The following JAKMIP2 variants were observed in gnomAD, a reference collection of about 807,000 sequenced individuals.
The protein encoded by JAKMIP2 is janus kinase and microtubule interacting protein 2, also known as janus kinase and microtubule-interacting protein 2.
JAKMIP2 carries 25 observed loss-of-function variants against 115.0 expected under a neutral mutation model. The observed-to-expected ratio is 0.22, with a 90% CI of 0.16 to 0.30. The LOEUF is 0.30. Ranked by LOEUF, JAKMIP2 falls within the 10% of genes least tolerant of loss-of-function variation. JAKMIP2 has a pLI of 1.00. For missense variants in JAKMIP2, 642 were observed against 957.6 expected (o/e 0.67, Z 4.35); for synonymous variants, 334 against 343.6 (o/e 0.97, Z 0.31).
intron 1 of JAKMIP2, among the ~76,000 whole-genome samples, chr5:147,675,724 T>C (rs1759906816): frequency 6.6e-6 from 1 of 152,062 alleles, no homozygotes; most frequent in African/African-American, 2.4e-5. Context: ...TTGTCTCTAC[T>C]TAGTTTTGTC....
At chr5:147,651,989 GT>G (rs900072663) in intron 3 of JAKMIP2, among the ~76,000 whole-genome samples, 5 of 152,078 alleles carry the variant, frequency 3.3e-5, no homozygotes, top group Admixed American at 2.0e-4. Context: ...AGCTCTAGTT[GT>G]TTTTTATGTA....
intron 1 of JAKMIP2, among the ~76,000 whole-genome samples, chr5:147,744,991 G>C (rs960874849): frequency 6.7e-6 from 1 of 148,640 alleles, no homozygotes; most frequent in Non-Finnish European, 1.5e-5. Context: ...CGGGGAGGCA[G>C]ATGTTGCAGT....
intron 4 of JAKMIP2, among the ~76,000 whole-genome samples, chr5:147,649,799 CAT>C (rs1246037972): frequency 6.6e-6 from 1 of 152,086 alleles, no homozygotes; most frequent in Admixed American, 6.6e-5. Flanking sequence ...TAGCCAACTG[CAT>C]ATAAGCCCAT....
intron 1 of JAKMIP2, among the ~76,000 whole-genome samples, chr5:147,683,524 C>T (rs1469062226): frequency 6.6e-6 from 1 of 151,936 alleles, no homozygotes; most frequent in Non-Finnish European, 1.5e-5. Flanking sequence ...ACAACAACAA[C>T]AAAAATCCCT....
intron 1 of JAKMIP2, among the ~76,000 whole-genome samples, chr5:147,696,299 T>C (rs1361100734): frequency 6.6e-6 from 1 of 152,096 alleles, no homozygotes; most frequent in Admixed American, 6.6e-5. Context: ...TGGAAAGTGA[T>C]TGGATCATGG....
At chr5:147,747,793 A>G (rs1351915723) in intron 1 of JAKMIP2, among the ~76,000 whole-genome samples, 3 of 152,098 alleles carry the variant, frequency 2.0e-5, no homozygotes, top group Non-Finnish European at 2.9e-5. Context: ...GCTCTAGCCA[A>G]ATTGAACTCC....
intron 3 of JAKMIP2, among the ~76,000 whole-genome samples, chr5:147,657,821 C>A (rs1307673823): frequency 6.6e-6 from 1 of 151,876 alleles, no homozygotes; most frequent in Admixed American, 6.6e-5. Context: ...GTATGCTTCA[C>A]GAAGTTCTCG....
chr5:147,650,617 A>G (rs1758350244), intron 3 of JAKMIP2, 70 bp from the exon 4 acceptor site: 2 of 1,186,512 alleles, frequency 1.7e-6, no homozygotes, highest in Admixed American at 4.0e-5. Context: ...ACAATGGTGT[A>G]GGTTTAACTT....
At chr5:147,626,237 A>G (rs530778150) in intron 16 of JAKMIP2, among the ~76,000 whole-genome samples, 14 of 152,344 alleles carry the variant, frequency 9.2e-5, no homozygotes, top group African/African-American at 3.4e-4. Context: ...GACCATGAGC[A>G]CTTTAGGGAA....
chr5:147,656,957 G>T (rs1007178744), intron 3 of JAKMIP2, among the ~76,000 whole-genome samples: 4 of 152,158 alleles, frequency 2.6e-5, no homozygotes, highest in Non-Finnish European at 5.9e-5. Context: ...GGCTGGATAT[G>T]AAATTCTGGG....
chr5:147,663,288 T>C (rs1018300973), intron 2 of JAKMIP2, among the ~76,000 whole-genome samples: 2 of 152,052 alleles, frequency 1.3e-5, no homozygotes, highest in Non-Finnish European at 2.9e-5. Flanking sequence ...TTTGAGTCAG[T>C]GGACTGGGAA....
rs1344646883 is a variant in JAKMIP2 at position 147,590,481 on chromosome 5, A to G, written c.*1226T>C. 1.3e-5 allele frequency: 2 copies of G among 152,192 alleles called. No individual in the cohort carries two copies. Among genetic ancestry groups the G allele is most frequent in the Non-Finnish European group, 2.9e-5 (2 of 68,014 alleles). The allele number at this position is 152,192 out of a possible 1,614,324, so 9.4% of individuals were successfully genotyped here. A position where few individuals can be genotyped will look rare whatever the true frequency, so the allele number is the denominator to read the frequency against. On this transcript the variant is annotated 3_prime_UTR_variant, in exon 22 of 22. Coordinates refer to ENST00000616793, the MANE Select transcript of JAKMIP2 (RefSeq NM_001270941.2). ...TATTTCCATATAAAAAAGTAGAGCT[A>G]TCTTGTTGCTGTCATCTGTCTGGGA...
intron 1 of JAKMIP2, among the ~76,000 whole-genome samples, chr5:147,754,966 C>T (rs1402264736): frequency 6.6e-6 from 1 of 152,084 alleles, no homozygotes; most frequent in Non-Finnish European, 1.5e-5. Context: ...TAGGTGTGCA[C>T]ATGAAGAGCA....
chr5:147,750,901 G>C (rs536992552), intron 1 of JAKMIP2, among the ~76,000 whole-genome samples: 3 of 149,186 alleles, frequency 2.0e-5, no homozygotes, highest in Middle Eastern at 3.7e-3. Context: ...CTCGACATCG[G>C]ACTTCCAATC....
intron 21 of JAKMIP2, among the ~76,000 whole-genome samples, chr5:147,596,509 T>A (rs979589564): frequency 6.6e-6 from 1 of 152,362 alleles, no homozygotes; most frequent in African/African-American, 2.4e-5. Flanking sequence ...CTTTGAAAGA[T>A]ACGACAACTC....
chr5:147,699,244 C>A (rs1013294043), intron 1 of JAKMIP2, among the ~76,000 whole-genome samples: 2 of 152,094 alleles, frequency 1.3e-5, no homozygotes, highest in Non-Finnish European at 1.5e-5. Flanking sequence ...TTGCTGCTGG[C>A]TTGAGTATGT....
At chr5:147,618,996 A>G (rs2126648148) in intron 18 of JAKMIP2, among the ~76,000 whole-genome samples, 1 of 152,330 alleles carries the variant, frequency 6.6e-6, no homozygotes, top group East Asian at 1.9e-4. Flanking sequence ...TCTGTTTTTA[A>G]GTTCTCTGAG....
Position 147,640,889 on chromosome 5 carries a change from A to C in JAKMIP2, c.1282-66T>G, listed in dbSNP as rs528172183. On this transcript the variant is annotated intron_variant, in intron 8 of 21. Coordinates refer to ENST00000616793, the MANE Select transcript of JAKMIP2 (RefSeq NM_001270941.2). ...AGTAGGGAAAGTTGAACGTTAAAATACTGTCAACTGGCATACGTGTAAGTG... is the reference window on the plus strand; with the variant it reads ...AGTAGGGAAAGTTGAACGTTAAAATCCTGTCAACTGGCATACGTGTAAGTG... 40 of 1,429,850 alleles carry C rather than the reference A, an allele frequency of 2.8e-5. No homozygotes were observed. The South Asian group carries it at 3.1e-4, about 11-fold the overall frequency. 88.6% of individuals were successfully genotyped at this position (1,429,850 alleles called of 1,614,324 possible).
At chr5:147,779,478 AAC>A (rs1561590695) in intron 1 of JAKMIP2, among the ~76,000 whole-genome samples, 1 of 152,104 alleles carries the variant, frequency 6.6e-6, no homozygotes, top group Non-Finnish European at 1.5e-5. Context: ...CCCATTAAAT[AAC>A]ACAGTACATT....
Sources: gnomAD v4.1 joint callset for allele counts (sites outside exome capture counted in the v4.1 genomes callset) on GRCh38, gnomAD v4.1.1 for gene constraint, MANE v1.5 for transcripts, NCBI Gene and HGNC (gene_info 2026-07-23, HGNC 2026-07-21) for gene names.